DAB1: variants seen among roughly 807,000 people sequenced by gnomAD.
The protein encoded by DAB1 is DAB adaptor protein 1, also known as disabled homolog 1.
Under a neutral mutation model 64.6 loss-of-function variants are expected in DAB1, and 15 were observed. The ratio of observed to expected loss-of-function variants is 0.23; its 90% CI spans 0.16 to 0.36. DAB1 has a LOEUF of 0.36. Ranked by LOEUF, DAB1 falls within the 10% of genes least tolerant of loss-of-function variation. DAB1 has a pLI of 1.00. For synonymous variants in DAB1, 235 were observed against 251.9 expected, an observed-to-expected ratio of 0.93 and a Z score of 0.64; for missense variants, 596 against 706.7, an observed-to-expected ratio of 0.84 and a Z score of 1.78.
At chr1:57,346,607 A>G (rs1217444780) in intron 1 of DAB1, among the ~76,000 whole-genome samples, 1 of 152,196 alleles carries the variant, frequency 6.6e-6, no homozygotes, top group Non-Finnish European at 1.5e-5. Context: ...GTATACCAAA[A>G]ATGGAAGCTC....
intron 4 of DAB1, among the ~76,000 whole-genome samples, chr1:58,295,438 C>A (rs1661946736): frequency 6.6e-6 from 1 of 152,090 alleles, no homozygotes; most frequent in African/African-American, 2.4e-5. Flanking sequence ...CATTTTGTAA[C>A]CCTCTCTGTC....
intron 7 of DAB1, among the ~76,000 whole-genome samples, chr1:57,627,622 G>A (rs1645938559): frequency 6.6e-6 from 1 of 152,286 alleles, no homozygotes; most frequent in South Asian, 2.1e-4. Flanking sequence ...GCTAATCACT[G>A]AATGGCATAT....
chr1:58,424,769 A>G (rs1644805157), intron 3 of DAB1, among the ~76,000 whole-genome samples: 1 of 152,168 alleles, frequency 6.6e-6, no homozygotes, highest in African/African-American at 2.4e-5. Flanking sequence ...GGAGGGATCA[A>G]GAAGCATTTA....
chr1:57,388,825 C>G (rs1682104008), intron 1 of DAB1, among the ~76,000 whole-genome samples: 1 of 152,192 alleles, frequency 6.6e-6, no homozygotes, highest in Non-Finnish European at 1.5e-5. Context: ...CTAAATCTCT[C>G]TTCTTCACAG....
chr1:57,852,724 C>A (rs1653586748), intron 1 of DAB1, among the ~76,000 whole-genome samples: 2 of 152,146 alleles, frequency 1.3e-5, no homozygotes, highest in Non-Finnish European at 2.9e-5. Context: ...TACCTCTCCT[C>A]CTGCCCCAGC....
chr1:58,395,712 G>C (rs894206724), intron 3 of DAB1, among the ~76,000 whole-genome samples: 1 of 152,196 alleles, frequency 6.6e-6, no homozygotes, highest in Non-Finnish European at 1.5e-5. Flanking sequence ...AGGCAGTACA[G>C]GTCTAGAAGC....
intron 4 of DAB1, among the ~76,000 whole-genome samples, chr1:58,218,937 T>C (rs1388789069): frequency 1.3e-5 from 2 of 150,372 alleles, no homozygotes; most frequent in East Asian, 3.9e-4. Context: ...GACAGGGTTA[T>C]ACACACTCTC....
At chr1:57,298,728 G>T (rs116700934) in intron 1 of DAB1, among the ~76,000 whole-genome samples, 2,668 of 152,168 alleles carry the variant, frequency 0.018, 80 homozygotes, top group African/African-American at 0.062. Flanking sequence ...CAAGAAAGTT[G>T]GAGCAAAGAG....
chr1:57,197,153 T>G (rs1176634559), intron 2 of DAB1, among the ~76,000 whole-genome samples: 1 of 152,068 alleles, frequency 6.6e-6, no homozygotes, highest in Non-Finnish European at 1.5e-5. Context: ...CTGGCCAACA[T>G]GGTGAAACCC....
chr1:57,562,889 G>T (rs1327704208), intron 7 of DAB1, among the ~76,000 whole-genome samples: 4 of 152,166 alleles, frequency 2.6e-5, no homozygotes, highest in Non-Finnish European at 5.9e-5. Flanking sequence ...GTGTTGGCTG[G>T]GGTGATTGAC....
At chr1:58,008,727 G>C (rs2100423346) in intron 5 of DAB1, among the ~76,000 whole-genome samples, 1 of 152,226 alleles carries the variant, frequency 6.6e-6, no homozygotes, top group Middle Eastern at 3.4e-3. Context: ...GAAAGACTTA[G>C]AGAAATGTTT....
At chr1:57,001,097 A>G (rs6698886) in intron 14 of DAB1, among the ~76,000 whole-genome samples, 4,978 of 152,270 alleles carry the variant, frequency 0.033, 80 homozygotes, top group South Asian at 0.039. Flanking sequence ...GATGCATTAT[A>G]CGTTTTGGCA....
rs72913079 is a variant in DAB1 at position 57,168,217 on chromosome 1, C to T, written c.68-22788G>A. On this transcript the variant is annotated intron_variant, in intron 2 of 14. Transcript: ENST00000371236. ...CATTCCATTATTCAAAATGAAATGT[C>T]AGTGGTTTCTCACTTCCCTTCAAAC... Among the ~76,000 whole-genome samples, 184 of 152,288 alleles carry T rather than the reference C, an allele frequency of 1.2e-3. 1 individual carries two copies. The highest frequency in any genetic ancestry group is 4.3e-3 in the African/African-American group (178 of 41,562).
chr1:57,124,756 G>C (rs1487398495), intron 4 of DAB1, among the ~76,000 whole-genome samples: 2 of 152,206 alleles, frequency 1.3e-5, no homozygotes, highest in South Asian at 4.2e-4. Context: ...CTGAGAATTG[G>C]GGTGATCACA....
chr1:58,235,996 C>G (rs1055920809), intron 4 of DAB1, among the ~76,000 whole-genome samples: 3 of 152,212 alleles, frequency 2.0e-5, no homozygotes, highest in African/African-American at 7.2e-5. Context: ...CAGCAATACA[C>G]TTTCCAATTA....
intron 6 of DAB1, among the ~76,000 whole-genome samples, chr1:57,776,284 C>A (rs1649794681): frequency 1.0e-5 from 1 of 100,118 alleles, no homozygotes; most frequent in African/African-American, 3.8e-5. Context: ...TGCAAATATT[C>A]CAAATTCCAA....
intron 5 of DAB1, among the ~76,000 whole-genome samples, chr1:57,913,999 A>G (rs544470892): frequency 5.3e-5 from 8 of 152,322 alleles, no homozygotes; most frequent in Non-Finnish European, 1.0e-4. Context: ...TGTCGGTGGG[A>G]CTGTAAACCA....
intron 6 of DAB1, among the ~76,000 whole-genome samples, chr1:57,694,839 G>A (rs972246235): frequency 7.2e-5 from 11 of 151,770 alleles, no homozygotes; most frequent in African/African-American, 2.7e-4. Context: ...CACATTACTT[G>A]GAAGCAAATG....
chr1:57,724,377 A>G (rs1647184613), intron 6 of DAB1, among the ~76,000 whole-genome samples: 1 of 151,776 alleles, frequency 6.6e-6, no homozygotes, highest in South Asian at 2.1e-4. Context: ...GGGAGGCAAG[A>G]AGAAAGGGAC....
Sources: gnomAD v4.1 joint callset for allele counts (sites outside exome capture counted in the v4.1 genomes callset) on GRCh38, gnomAD v4.1.1 for gene constraint, MANE v1.5 for transcripts, NCBI Gene and HGNC (gene_info 2026-07-23, HGNC 2026-07-21) for gene names.